Variants in CNTN5 observed in about 807,000 individuals in gnomAD.
The protein encoded by CNTN5 is contactin-5.
CNTN5 carries 77 observed loss-of-function variants against 129.1 expected under a neutral mutation model. That is an observed-to-expected ratio of 0.60 (90% CI 0.50 to 0.72). The LOEUF is 0.72. CNTN5 is among the 30% of genes least tolerant of loss of function. CNTN5 has a pLI of 0.00. For synonymous variants in CNTN5, 509 were observed against 465.6 expected (o/e 1.09, Z -1.20); for missense variants, 1,478 against 1,328.8 (o/e 1.11, Z -1.75).
chr11:99,141,176 G>T (rs1859496757), intron 1 of CNTN5, among the ~76,000 whole-genome samples: 1 of 151,964 alleles, frequency 6.6e-6, no homozygotes, highest in Non-Finnish European at 1.5e-5. Flanking sequence ...TTTGGATCTT[G>T]TTATTTGTCC....
chr11:99,510,320 T>C (rs538723757), intron 2 of CNTN5, among the ~76,000 whole-genome samples: 1 of 152,088 alleles, frequency 6.6e-6, no homozygotes, highest in Non-Finnish European at 1.5e-5. Context: ...AAAAAGAGAC[T>C]CTCAAACACT....
At chr11:99,978,235 G>T (rs909313098) in intron 8 of CNTN5, among the ~76,000 whole-genome samples, 6 of 152,280 alleles carry the variant, frequency 3.9e-5, no homozygotes, top group Admixed American at 1.3e-4. Context: ...CAATATGTTT[G>T]TCTTTTAAGC....
intron 16 of CNTN5, among the ~76,000 whole-genome samples, chr11:100,239,018 T>C (rs1260321202): frequency 6.6e-6 from 1 of 152,238 alleles, no homozygotes; most frequent in African/African-American, 2.4e-5. Context: ...GTCAGTTTGC[T>C]GTCATTAGGA....
chr11:99,965,880 A>G (rs1951080827), intron 8 of CNTN5, among the ~76,000 whole-genome samples: 1 of 152,208 alleles, frequency 6.6e-6, no homozygotes. Context: ...ATTGAAAAGT[A>G]CGTTCATAAG....
chr11:99,686,460 T>G (rs920964166), intron 3 of CNTN5, among the ~76,000 whole-genome samples: 1 of 152,132 alleles, frequency 6.6e-6, no homozygotes, highest in African/African-American at 2.4e-5. Context: ...GAATTTGCTC[T>G]TTTAAGTTAG....
intron 2 of CNTN5, among the ~76,000 whole-genome samples, chr11:99,485,542 T>C (rs917511158): frequency 2.0e-5 from 3 of 152,014 alleles, no homozygotes; most frequent in Non-Finnish European, 4.4e-5. Flanking sequence ...ACAGGGGACA[T>C]AAAGGAACTC....
intron 1 of CNTN5, among the ~76,000 whole-genome samples, chr11:99,044,702 C>G (rs754643145): frequency 3.9e-5 from 6 of 152,108 alleles, no homozygotes; most frequent in Non-Finnish European, 8.8e-5. Context: ...AATCCTTTTC[C>G]CGAGGGGTGG....
At chr11:100,133,495 T>C (rs1946435398) in intron 13 of CNTN5, among the ~76,000 whole-genome samples, 1 of 152,158 alleles carries the variant, frequency 6.6e-6, no homozygotes, top group Non-Finnish European at 1.5e-5. Context: ...AGACTCCCTG[T>C]TTATCTCTAG....
At chr11:100,320,551 T>C (rs1162185775) in intron 21 of CNTN5, among the ~76,000 whole-genome samples, 1 of 152,202 alleles carries the variant, frequency 6.6e-6, no homozygotes, top group Non-Finnish European at 1.5e-5. Context: ...TTTGATGTAA[T>C]CCCATTTGGT....
intron 2 of CNTN5, among the ~76,000 whole-genome samples, chr11:99,489,968 T>C (rs1229372414): frequency 1.3e-5 from 2 of 152,210 alleles, no homozygotes; most frequent in Non-Finnish European, 1.5e-5. Flanking sequence ...ATCTTAAATT[T>C]TAATGTTTAA....
chr11:99,554,058 A>G (rs1272275865), intron 2 of CNTN5, among the ~76,000 whole-genome samples: 1 of 151,910 alleles, frequency 6.6e-6, no homozygotes, highest in Admixed American at 6.6e-5. Flanking sequence ...TATTTTAGAA[A>G]TCAAATTCAG....
At chr11:99,284,984 G>T (rs1435999311) in intron 1 of CNTN5, among the ~76,000 whole-genome samples, 1 of 151,916 alleles carries the variant, frequency 6.6e-6, no homozygotes, top group African/African-American at 2.4e-5. Flanking sequence ...TGCTTGGATT[G>T]CTATATATGA....
chr11:99,147,082 A>G (rs7120643), intron 1 of CNTN5, among the ~76,000 whole-genome samples: 3,672 of 152,322 alleles, frequency 0.024, 151 homozygotes, highest in African/African-American at 0.085. Context: ...TACTATGTAA[A>G]TATAATATTT....
rs17094845 is a variant in CNTN5 at position 100,309,069 on chromosome 11, T to C, written c.2730+601T>C. 2.2e-3 allele frequency: 2,164 copies of C among 985,126 alleles called. 37 individuals are homozygous for C. The African/African-American group carries it at 0.035, about 16-fold the overall frequency. 61.0% of individuals were successfully genotyped at this position (985,126 alleles called of 1,614,324 possible). On this transcript the variant is annotated intron_variant, in intron 21 of 24. Coordinates refer to ENST00000524871, the MANE Select transcript of CNTN5 (RefSeq NM_014361.4). The stretch of plus-strand genomic sequence containing the variant: ...TGTGAGTAGTCTGTGAACATGAATA[T>C]TTTATGATAACAAGGTTTGGCTTCT...
intron 13 of CNTN5, among the ~76,000 whole-genome samples, chr11:100,113,903 G>A (rs780504619): frequency 3.9e-5 from 6 of 151,990 alleles, no homozygotes; most frequent in Non-Finnish European, 7.4e-5. Flanking sequence ...GTTGCCAAGA[G>A]AGTGTAACAT....
rs568371159 is a variant in CNTN5, at chr11:99,165,153, G to T, written c.-210+143883G>T. Reference sequence around the variant, plus strand: ...ATGAGCGTTTATCTACCAATCAGTAGTTAATGAGGTTGTAAATCTGATAGT... The same window carrying T: ...ATGAGCGTTTATCTACCAATCAGTATTTAATGAGGTTGTAAATCTGATAGT... On this transcript the variant is annotated intron_variant, in intron 1 of 24. Transcript: ENST00000524871. Among the ~76,000 whole-genome samples the T allele has an allele frequency of 1.5e-4, 23 of 152,252 alleles. 1 individual carries two copies. The South Asian group carries it at 4.8e-3, about 32-fold the overall frequency.
chr11:99,675,749 T>C (rs1198421142), intron 3 of CNTN5, among the ~76,000 whole-genome samples: 1 of 152,104 alleles, frequency 6.6e-6, no homozygotes, highest in East Asian at 1.9e-4. Context: ...TCAAGTGTTT[T>C]ATATTAATGG....
chr11:99,270,146 A>G (rs969862587), intron 1 of CNTN5, among the ~76,000 whole-genome samples: 1 of 151,772 alleles, frequency 6.6e-6, no homozygotes, highest in African/African-American at 2.4e-5. Flanking sequence ...TTTGTGTTTT[A>G]TTTCATTTTT....
At position 99,821,885 on chromosome 11, in the gene CNTN5, C is replaced by G. The variant is rs372663180; in HGVS notation, c.277+2120C>G. Among the ~76,000 whole-genome samples the G allele has an allele frequency of 1.6e-4, 24 of 152,248 alleles. No individual in the cohort carries two copies. The South Asian group carries it at 4.6e-3, about 29-fold the overall frequency. ...TAATATCATTTGGTCCTCTGCTAAT[C>G]TAGTTTAATCCATATTTTAGAGTAT... On this transcript the variant is annotated intron_variant, in intron 4 of 24. Coordinates refer to ENST00000524871, the MANE Select transcript of CNTN5 (RefSeq NM_014361.4).
Sources: gnomAD v4.1 joint callset for allele counts (sites outside exome capture counted in the v4.1 genomes callset) on GRCh38, gnomAD v4.1.1 for gene constraint, MANE v1.5 for transcripts, NCBI Gene and HGNC (gene_info 2026-07-23, HGNC 2026-07-21) for gene names.